HSD17B11: variants seen among roughly 807,000 people sequenced by gnomAD.
The protein encoded by HSD17B11 is estradiol 17-beta-dehydrogenase 11.
Under a neutral mutation model 27.8 loss-of-function variants are expected in HSD17B11, and 22 were observed. The ratio of observed to expected loss-of-function variants is 0.79; its 90% CI spans 0.56 to 1.13. HSD17B11 has a LOEUF of 1.13. Among genes scored for constraint, HSD17B11 ranks in the 50% most tolerant of loss-of-function variants. HSD17B11 has a pLI of 0.00. For missense variants in HSD17B11, 314 were observed against 351.1 expected (o/e 0.89, Z 0.84); for synonymous variants, 117 against 132.8 (o/e 0.88, Z 0.82).
At chr4:87,368,322 A>C (rs1209091895) in intron 4 of HSD17B11, among the ~76,000 whole-genome samples, 4 of 152,106 alleles carry the variant, frequency 2.6e-5, no homozygotes, top group African/African-American at 9.7e-5. Context: ...ATCTCAAAAA[A>C]ACAAAAAACA....
intron 5 of HSD17B11, among the ~76,000 whole-genome samples, chr4:87,344,148 T>C (rs776800003): frequency 5.3e-5 from 8 of 152,218 alleles, no homozygotes; most frequent in Non-Finnish European, 8.8e-5. Context: ...ACTAGACAAA[T>C]GTTACATGAG....
intron 4 of HSD17B11, among the ~76,000 whole-genome samples, chr4:87,368,448 C>G (rs1310784438): frequency 1.3e-5 from 2 of 152,126 alleles, no homozygotes; most frequent in Admixed American, 1.3e-4. Flanking sequence ...AATATCATGG[C>G]CCCATTCAGC....
intron 4 of HSD17B11, among the ~76,000 whole-genome samples, chr4:87,363,590 T>C (rs1398730986): frequency 1.5e-4 from 23 of 152,230 alleles, no homozygotes; most frequent in Non-Finnish European, 1.5e-5. Flanking sequence ...TTTAACCGCA[T>C]GGCAGTACCT....
At chr4:87,368,313 T>C (rs921494846) in intron 4 of HSD17B11, among the ~76,000 whole-genome samples, 1 of 151,864 alleles carries the variant, frequency 6.6e-6, no homozygotes, top group Non-Finnish European at 1.5e-5. Flanking sequence ...CGAGACTCCA[T>C]CTCAAAAAAA....
chr4:87,387,925 T>C (rs772750555), intron 1 of HSD17B11, among the ~76,000 whole-genome samples: 4 of 152,158 alleles, frequency 2.6e-5, no homozygotes, highest in Non-Finnish European at 4.4e-5. Context: ...CAGTAGTCTC[T>C]TACTTTACTT....
At chr4:87,390,747 AT>A (rs147178931) in intron 1 of HSD17B11, 113 bp downstream of exon 1, 49,551 of 838,764 alleles carry the variant, frequency 0.059, 1,863 homozygotes, top group African/African-American at 0.12. Flanking sequence ...GGCAATACTA[AT>A]TTTTTTTTCC....
chr4:87,368,414 A>C (rs1379583071), intron 4 of HSD17B11, among the ~76,000 whole-genome samples: 3 of 152,148 alleles, frequency 2.0e-5, no homozygotes, highest in Non-Finnish European at 2.9e-5. Flanking sequence ...CCCTGAACAC[A>C]AGAGACCCTA....
At chr4:87,382,948 T>TAC (rs1311853103) in intron 1 of HSD17B11, among the ~76,000 whole-genome samples, 1 of 152,188 alleles carries the variant, frequency 6.6e-6, no homozygotes, top group African/African-American at 2.4e-5. Flanking sequence ...ATACTGTTAT[T>TAC]GTTTTGATAA....
At chr4:87,381,512 C>A (rs766943637) in intron 2 of HSD17B11, among the ~76,000 whole-genome samples, 1 of 151,884 alleles carries the variant, frequency 6.6e-6, no homozygotes, top group Admixed American at 6.6e-5. Context: ...AATCCCAGGA[C>A]TTTGGGAGGC....
At chr4:87,380,729 G>C (rs1322082713) in intron 2 of HSD17B11, among the ~76,000 whole-genome samples, 1 of 151,416 alleles carries the variant, frequency 6.6e-6, no homozygotes, top group African/African-American at 2.4e-5. Context: ...GTGGTGACGG[G>C]CGCCTGTAAT....
intron 4 of HSD17B11, among the ~76,000 whole-genome samples, chr4:87,370,749 A>ATTT (rs1401448001): frequency 1.5e-4 from 1 of 6,484 alleles, no homozygotes; most frequent in Non-Finnish European, 2.8e-4. Flanking sequence ...TATTATTATT[A>ATTT]TTATTATTTT....
chr4:87,362,356 T>A (rs893287463), intron 4 of HSD17B11, among the ~76,000 whole-genome samples: 1 of 152,092 alleles, frequency 6.6e-6, no homozygotes, highest in East Asian at 1.9e-4. Flanking sequence ...TGAAACCCGG[T>A]CTCTACTAAA....
At position 87,391,086 on chromosome 4, in the gene HSD17B11, G is replaced by C. The variant is rs367674275; in HGVS notation, c.-16C>G. ...GAAATTTCATCCCTTTTGTGGCTGC[G>C]AGCGTTTGGTGTGTTTTTTTTTTTT... On this transcript the variant is annotated 5_prime_UTR_variant, in exon 1 of 7. Coordinates refer to ENST00000358290, the MANE Select transcript of HSD17B11 (RefSeq NM_016245.5). 1.3e-6 allele frequency: 2 copies of C among 1,579,928 alleles called. No individual in the cohort carries two copies. Among genetic ancestry groups the C allele is most frequent in the Non-Finnish European group, 1.7e-6 (2 of 1,165,432 alleles).
chr4:87,384,811 T>C (rs548571288), intron 1 of HSD17B11, among the ~76,000 whole-genome samples: 2 of 148,032 alleles, frequency 1.4e-5, no homozygotes, highest in Admixed American at 1.3e-4. Flanking sequence ...TTATCAGTAG[T>C]TCTGCTTTTT....
At chr4:87,387,450 C>G (rs886310952) in intron 1 of HSD17B11, among the ~76,000 whole-genome samples, 1 of 152,212 alleles carries the variant, frequency 6.6e-6, no homozygotes, top group Non-Finnish European at 1.5e-5. Context: ...TCAAACACCA[C>G]TCCACTTTCT....
chr4:87,381,100 G>A (rs1720151937), intron 2 of HSD17B11, among the ~76,000 whole-genome samples: 2 of 141,658 alleles, frequency 1.4e-5, no homozygotes, highest in South Asian at 4.6e-4. Context: ...CAGGAGAATC[G>A]CTTGTGAACC....
intron 2 of HSD17B11, among the ~76,000 whole-genome samples, chr4:87,378,817 A>ATATATAAATATATATAT (rs1282396558): frequency 8.2e-5 from 6 of 73,466 alleles, no homozygotes; most frequent in East Asian, 3.3e-4. Context: ...ATATAAATAT[A>ATATATAAATATATATAT]AAATATATAT....
chr4:87,364,819 C>CT (rs1735587144), intron 4 of HSD17B11, among the ~76,000 whole-genome samples: 1 of 152,206 alleles, frequency 6.6e-6, no homozygotes, highest in Admixed American at 6.5e-5. Flanking sequence ...GAAATGCATG[C>CT]TGTCCCAGCT....
intron 2 of HSD17B11, 49 bp downstream of exon 2, chr4:87,382,206 A>G (rs768460094): frequency 1.4e-6 from 2 of 1,381,142 alleles, no homozygotes; most frequent in Non-Finnish European, 2.1e-6. Context: ...TCTCCAAAAC[A>G]CCTCCTAGCT....
Sources: allele counts gnomAD v4.1 joint callset (sites outside exome capture counted in the v4.1 genomes callset), GRCh38; gene constraint gnomAD v4.1.1; transcripts MANE v1.5; gene names NCBI Gene and HGNC (gene_info 2026-07-23, HGNC 2026-07-21).